ZNF236: variants seen among roughly 807,000 people sequenced by gnomAD.
The protein encoded by ZNF236 is regulated by glucose.
Under a neutral mutation model 191.2 loss-of-function variants are expected in ZNF236, and 50 were observed. The observed-to-expected ratio is 0.26, with a 90% CI of 0.21 to 0.33. The LOEUF (loss-of-function observed/expected upper bound fraction) is 0.33. Among genes scored for constraint, ZNF236 ranks in the 10% least tolerant of loss-of-function variants. The pLI is 1.00. For missense variants in ZNF236, 1,754 were observed against 2,374.5 expected, an observed-to-expected ratio of 0.74 and a Z score of 5.43; for synonymous variants, 907 against 928.8, an observed-to-expected ratio of 0.98 and a Z score of 0.43.
In ZNF236 at chr18:76,968,232, G is replaced by A. The variant is rs777391423; in HGVS notation, c.5437G>A (p.Ala1813Thr). 1 of 1,613,854 alleles carries A rather than the reference G, an allele frequency of 6.2e-7. No homozygotes were observed. Among genetic ancestry groups the A allele is most frequent in the South Asian group, 1.1e-5 (1 of 91,040 alleles). Reference protein sequence around the residue: ...HSYAGALQESAGHPEQDGEEL... With the variant: ...HSYAGALQESTGHPEQDGEEL... ...CATAACAGGAGCTCTGCAGGAGTCT[G>A]CAGGTCACCCGGAGCAGGACGGGGA... Residue 1813 changes from alanine to threonine, a missense_variant, in exon 31 of 31, where the codon GCA (alanine) becomes ACA (threonine). Coordinates refer to ENST00000320610, the MANE Select transcript of ZNF236 (RefSeq NM_001306089.2).
intron 1 of ZNF236, among the ~76,000 whole-genome samples, chr18:76,826,836 C>T (rs1975033157): frequency 6.6e-6 from 1 of 151,162 alleles, no homozygotes; most frequent in African/African-American, 2.4e-5. Flanking sequence ...AGTGTTCTGC[C>T]TTGATAAATA....
chr18:76,928,807 A>G (rs577183252), intron 25 of ZNF236, among the ~76,000 whole-genome samples: 17 of 152,012 alleles, frequency 1.1e-4, no homozygotes, highest in Non-Finnish European at 2.2e-4. Flanking sequence ...ACTCTTAACT[A>G]TAAACTCTTT....
intron 11 of ZNF236, among the ~76,000 whole-genome samples, chr18:76,903,648 C>T (rs570627716): frequency 1.3e-5 from 2 of 152,154 alleles, no homozygotes; most frequent in Non-Finnish European, 2.9e-5. Context: ...CGTGTGTCAC[C>T]CTCTTAACGT....
chr18:76,933,206 C>T (rs1437049373), intron 25 of ZNF236, among the ~76,000 whole-genome samples: 5 of 152,198 alleles, frequency 3.3e-5, no homozygotes, highest in South Asian at 2.1e-4. Context: ...TGGTGGGTCA[C>T]GCCTGTAATC....
At chr18:76,827,088 G>A (rs569142161) in intron 1 of ZNF236, among the ~76,000 whole-genome samples, 5 of 152,096 alleles carry the variant, frequency 3.3e-5, no homozygotes, top group African/African-American at 7.2e-5. Flanking sequence ...TAGAGATGGG[G>A]TTTCTCCATG....
intron 1 of ZNF236, among the ~76,000 whole-genome samples, chr18:76,823,062 G>C (rs12457908): frequency 6.7e-6 from 1 of 149,994 alleles, no homozygotes; most frequent in Non-Finnish European, 1.5e-5. Context: ...GCGCTGGGGA[G>C]GCGGCCTGGC....
intron 27 of ZNF236, among the ~76,000 whole-genome samples, chr18:76,948,506 A>C (rs1361599982): frequency 2.0e-5 from 3 of 152,180 alleles, no homozygotes; most frequent in Non-Finnish European, 4.4e-5. Flanking sequence ...ATTCAGAAAA[A>C]TCTGATCTAC....
At chr18:76,940,611 A>G (rs896260225) in intron 26 of ZNF236, among the ~76,000 whole-genome samples, 13 of 152,330 alleles carry the variant, frequency 8.5e-5, no homozygotes, top group Middle Eastern at 3.4e-3. Flanking sequence ...CCAGAAAGGC[A>G]TTTATTTCAG....
intron 3 of ZNF236, among the ~76,000 whole-genome samples, chr18:76,866,951 C>T (rs1976434279): frequency 1.3e-5 from 2 of 152,156 alleles, no homozygotes. Flanking sequence ...CTGCTCGCAC[C>T]ATCTGAGCAC....
At chr18:76,911,320 T>C (rs925746911) in intron 16 of ZNF236, among the ~76,000 whole-genome samples, 10 of 147,904 alleles carry the variant, frequency 6.8e-5, no homozygotes, top group Non-Finnish European at 1.5e-4. Flanking sequence ...AATTGACCAA[T>C]TGTTATCCCT....
At chr18:76,943,142 A>AT (rs1042975454) in intron 26 of ZNF236, among the ~76,000 whole-genome samples, 5 of 149,636 alleles carry the variant, frequency 3.3e-5, no homozygotes, top group Non-Finnish European at 5.9e-5. Context: ...AAAAAAAAAA[A>AT]GAAGAGCAAA....
rs145450705 is a variant in ZNF236, at chr18:76,950,362, A to C, written c.4914+2710A>C. On this transcript the variant is annotated intron_variant, in intron 27 of 30. Transcript: ENST00000320610. The stretch of plus-strand genomic sequence containing the variant: ...CAACAATGTTCACCGCATCATCACC[A>C]GGAGTAGATTCCGTCTCAAGTAACT... 5.4e-4 allele frequency among the ~76,000 whole-genome samples: 83 copies of C among 152,380 alleles called. No homozygotes were observed. In the East Asian group the frequency reaches 0.015, roughly 27 times the overall value.
chr18:76,832,140 T>C (rs1269496287), intron 1 of ZNF236, among the ~76,000 whole-genome samples: 1 of 152,212 alleles, frequency 6.6e-6, no homozygotes, highest in African/African-American at 2.4e-5. Context: ...AGTGCAGTAG[T>C]GTGATCTTGG....
At position 76,826,929 on chromosome 18, in the gene ZNF236, G is replaced by GCT. The variant is rs926777200; in HGVS notation, c.55+4269_55+4270dup. On this transcript the variant is annotated intron_variant, in intron 1 of 30. Transcript: ENST00000320610. ...TTTGTTTTTTTTGAGACAGAGTTTT[G>GCT]CTCGTTGCCCAGGCTGCAGTGCAAT... Among the ~76,000 whole-genome samples the GCT allele has an allele frequency of 1.4e-4, 21 of 149,500 alleles. 1 individual carries two copies. The highest frequency in any genetic ancestry group is 4.0e-4 in the African/African-American group (16 of 39,726).
chr18:76,848,347 G>T (rs1457700562), intron 1 of ZNF236, among the ~76,000 whole-genome samples: 5 of 152,264 alleles, frequency 3.3e-5, no homozygotes, highest in Non-Finnish European at 1.5e-5. Flanking sequence ...GATACAAATA[G>T]CTGTGTGTAA....
chr18:76,827,324 T>A (rs1288758920), intron 1 of ZNF236, among the ~76,000 whole-genome samples: 1 of 152,172 alleles, frequency 6.6e-6, no homozygotes, highest in Non-Finnish European at 1.5e-5. Flanking sequence ...TAGATGGGAC[T>A]ACAGGTGCAT....
intron 14 of ZNF236, among the ~76,000 whole-genome samples, chr18:76,908,995 G>A (rs1478564178): frequency 1.9e-5 from 2 of 104,434 alleles, no homozygotes; most frequent in African/African-American, 6.4e-5. Flanking sequence ...GTGTGTGTGT[G>A]TGTGTGTGTG....
At chr18:76,861,634 A>G (rs946946063) in intron 3 of ZNF236, among the ~76,000 whole-genome samples, 1 of 152,212 alleles carries the variant, frequency 6.6e-6, no homozygotes, top group Non-Finnish European at 1.5e-5. Flanking sequence ...TGATTTGAAT[A>G]TGGCATATTA....
chr18:76,877,139 G>T (rs1976739448), intron 6 of ZNF236, among the ~76,000 whole-genome samples: 1 of 152,108 alleles, frequency 6.6e-6, no homozygotes, highest in Non-Finnish European at 1.5e-5. Context: ...GAATATTTTA[G>T]GTATTTTCTC....
Sources: allele counts gnomAD v4.1 joint callset (sites outside exome capture counted in the v4.1 genomes callset), GRCh38; gene constraint gnomAD v4.1.1; transcripts MANE v1.5; gene names NCBI Gene and HGNC (gene_info 2026-07-23, HGNC 2026-07-21).